The following SRBD1 variants were observed in gnomAD, a reference collection of about 807,000 sequenced individuals.
The protein encoded by SRBD1 is S1 RNA-binding domain-containing protein 1.
In SRBD1, 88 loss-of-function variants were observed where a neutral mutation model predicts 115.3. The ratio of observed to expected loss-of-function variants is 0.76; its 90% CI spans 0.64 to 0.91. SRBD1 has a LOEUF of 0.91. SRBD1 is among the 40% of genes least tolerant of loss of function. The pLI, the probability that SRBD1 is intolerant of heterozygous loss-of-function variation, is 0.00. For missense variants in SRBD1, 1,385 were observed against 1,177.4 expected, an observed-to-expected ratio of 1.18 and a Z score of -2.58; for synonymous variants, 509 against 407.7, an observed-to-expected ratio of 1.25 and a Z score of -2.99.
At chr2:45,474,895 A>G (rs1669760700) in intron 16 of SRBD1, among the ~76,000 whole-genome samples, 1 of 152,160 alleles carries the variant, frequency 6.6e-6, no homozygotes, top group South Asian at 2.1e-4. Context: ...CTGTCAACTC[A>G]TGGAATTAGG....
At chr2:45,457,331 C>T (rs1669185324) in intron 16 of SRBD1, among the ~76,000 whole-genome samples, 1 of 151,868 alleles carries the variant, frequency 6.6e-6, no homozygotes, top group Non-Finnish European at 1.5e-5. Flanking sequence ...TCCCTTGACA[C>T]CCAACTACTA....
intron 5 of SRBD1, 150 bp downstream of exon 5, chr2:45,585,458 A>G (rs1673488686): frequency 1.2e-6 from 1 of 805,916 alleles, no homozygotes; most frequent in African/African-American, 1.8e-5. Context: ...GACTCCATAC[A>G]CTCGCTAAAT....
intron 16 of SRBD1, among the ~76,000 whole-genome samples, chr2:45,450,507 A>G (rs1219768984): frequency 6.6e-6 from 1 of 152,160 alleles, no homozygotes; most frequent in East Asian, 1.9e-4. Flanking sequence ...ATATTTTTAA[A>G]TTTTCTGTGC....
At chr2:45,584,703 C>G (rs920185929) in intron 5 of SRBD1, among the ~76,000 whole-genome samples, 4 of 152,138 alleles carry the variant, frequency 2.6e-5, no homozygotes, top group South Asian at 2.1e-4. Context: ...TAAACCCTAT[C>G]GAATAATATG....
chr2:45,500,297 GTGTA>G (rs1252382829), intron 14 of SRBD1, among the ~76,000 whole-genome samples: 21 of 151,026 alleles, frequency 1.4e-4, no homozygotes, highest in Non-Finnish European at 2.4e-4. Context: ...GTGTGTGTGT[GTGTA>G]TGTGTGTGTT....
At chr2:45,484,473 C>T (rs894925215) in intron 15 of SRBD1, among the ~76,000 whole-genome samples, 3 of 152,206 alleles carry the variant, frequency 2.0e-5, no homozygotes, top group Non-Finnish European at 4.4e-5. Context: ...ATCGTAGAAA[C>T]CTTCTGTTTA....
chr2:45,530,698 CT>C (rs1041402547), intron 14 of SRBD1, among the ~76,000 whole-genome samples: 3 of 151,912 alleles, frequency 2.0e-5, no homozygotes, highest in African/African-American at 7.3e-5. Context: ...CACTTCCAAC[CT>C]TTTTTCTACT....
At chr2:45,471,853 T>C (rs1208843325) in intron 16 of SRBD1, among the ~76,000 whole-genome samples, 1 of 152,140 alleles carries the variant, frequency 6.6e-6, no homozygotes, top group Non-Finnish European at 1.5e-5. Flanking sequence ...AAATCAAGAA[T>C]AAAACAAAAC....
intron 16 of SRBD1, among the ~76,000 whole-genome samples, chr2:45,445,214 G>A (rs1343882436): frequency 6.6e-6 from 1 of 152,032 alleles, no homozygotes; most frequent in East Asian, 1.9e-4. Context: ...GGACTCAGCT[G>A]AAAAAAGATT....
chr2:45,453,195 C>T (rs1215065150), intron 16 of SRBD1, among the ~76,000 whole-genome samples: 1 of 151,144 alleles, frequency 6.6e-6, no homozygotes, highest in Non-Finnish European at 1.5e-5. Context: ...GAAAAAATAG[C>T]CCCTGTACTG....
chr2:45,574,665 A>G lies in SRBD1; in HGVS notation c.1131T>C (p.Ile377=). Residue 377 remains isoleucine (I), a synonymous_variant, in exon 8 of 21, where the codon ATT becomes ATC. Coordinates refer to ENST00000263736, the MANE Select transcript of SRBD1 (RefSeq NM_018079.5). ...IGVQHILADM[I]AKDKDTLDFI... is the part of the protein sequence containing the mutation. ...AGTCAAGCGTGTCTTTGTCTTTAGCAATCATATCTGCTAAAATATGCTGCA... is the reference window on the plus strand; with the variant it reads ...AGTCAAGCGTGTCTTTGTCTTTAGCGATCATATCTGCTAAAATATGCTGCA... 3 of 1,613,886 alleles carry G rather than the reference A, an allele frequency of 1.9e-6. No homozygotes were observed. Among genetic ancestry groups the G allele is most frequent in the South Asian group, 2.2e-5 (2 of 91,040 alleles).
At chr2:45,531,674 T>C (rs769162622) in intron 14 of SRBD1, among the ~76,000 whole-genome samples, 3 of 142,762 alleles carry the variant, frequency 2.1e-5, no homozygotes, top group Non-Finnish European at 4.6e-5. Flanking sequence ...GTAACCAGGG[T>C]TTCAAAACTT....
At chr2:45,496,893 G>C (rs1377564918) in intron 14 of SRBD1, among the ~76,000 whole-genome samples, 1 of 152,048 alleles carries the variant, frequency 6.6e-6, no homozygotes, top group Non-Finnish European at 1.5e-5. Context: ...CAAAATTTCT[G>C]TTGGCCACCC....
At chr2:45,468,127 ATAGG>A (rs1439115928) in intron 16 of SRBD1, among the ~76,000 whole-genome samples, 1 of 152,110 alleles carries the variant, frequency 6.6e-6, no homozygotes, top group Non-Finnish European at 1.5e-5. Flanking sequence ...CTTACTATAT[ATAGG>A]TATTCATAAA....
At chr2:45,400,203 G>C (rs1430063035) in intron 19 of SRBD1, among the ~76,000 whole-genome samples, 1 of 152,138 alleles carries the variant, frequency 6.6e-6, no homozygotes, top group Non-Finnish European at 1.5e-5. Flanking sequence ...CGCTTATGGT[G>C]ACACTGAGAA....
In SRBD1 at chr2:45,489,879, C is replaced by G. The variant is rs719441; in HGVS notation, c.1875-1548G>C. 3.3e-5 allele frequency among the ~76,000 whole-genome samples: 5 copies of G among 151,978 alleles called. No homozygotes were observed. In the East Asian group the frequency reaches 9.7e-4, roughly 29 times the overall value. On this transcript the variant is annotated intron_variant, in intron 14 of 20. Transcript: ENST00000263736. ...AACTCATATTTTTGTGCCAAACAAC[C>G]AACGCAACATATTTTTCTAAGGAAG... is the stretch of plus-strand genomic sequence containing the variant.
chr2:45,586,710 ATTT>A (rs747668841), intron 4 of SRBD1, among the ~76,000 whole-genome samples: 1 of 145,210 alleles, frequency 6.9e-6, no homozygotes, highest in Non-Finnish European at 1.5e-5. Context: ...CACCTGGCTA[ATTT>A]TTTTTTTTTT....
intron 7 of SRBD1, among the ~76,000 whole-genome samples, chr2:45,576,713 G>A (rs1009235345): frequency 2.6e-5 from 4 of 152,096 alleles, no homozygotes; most frequent in Admixed American, 2.6e-4. Context: ...CCATTCACAA[G>A]AACTAATTCC....
Position 45,389,374 on chromosome 2 carries a change from A to C in SRBD1, c.2924T>G (p.Val975Gly), listed in dbSNP as rs1345419344. 8 of 1,613,958 alleles carry C rather than the reference A, an allele frequency of 5.0e-6. No individual in the cohort carries two copies. The highest frequency in any genetic ancestry group is 6.8e-6 in the Non-Finnish European group (8 of 1,179,950). Reference sequence around the variant, plus strand: ...GGGGATGTCAATGTTGAGTACTTGGACTTCCACTCTTTCTCCGGGGCCCAG... The same window carrying C: ...GGGGATGTCAATGTTGAGTACTTGGCCTTCCACTCTTTCTCCGGGGCCCAG... ...LGLGPGERVEVQVLNIDIPRS... is the reference protein window; with the variant it reads ...LGLGPGERVEGQVLNIDIPRS... The change falls in exon 21 of 21, where the codon GTC (valine) becomes GGC (glycine). Residue 975 changes from valine (V) to glycine (G), a missense_variant. Coordinates refer to ENST00000263736, the MANE Select transcript of SRBD1 (RefSeq NM_018079.5).
Sources: gnomAD v4.1 joint callset for allele counts (sites outside exome capture counted in the v4.1 genomes callset) on GRCh38, gnomAD v4.1.1 for gene constraint, MANE v1.5 for transcripts, NCBI Gene and HGNC (gene_info 2026-07-23, HGNC 2026-07-21) for gene names.